Variants in MED15 observed in about 807,000 individuals in gnomAD.
The protein encoded by MED15 is mediator of RNA polymerase II transcription subunit 15.
In MED15, 41 loss-of-function variants were observed where a neutral mutation model predicts 118.7. That is an observed-to-expected ratio of 0.35 (90% CI 0.27 to 0.45). MED15 has a LOEUF of 0.45. MED15 is among the 20% of genes least tolerant of loss of function. The pLI is 1.00. For synonymous variants in MED15, 436 were observed against 413.9 expected, an observed-to-expected ratio of 1.05 and a Z score of -0.65; for missense variants, 740 against 1,025.5, an observed-to-expected ratio of 0.72 and a Z score of 3.80.
intron 2 of MED15, among the ~76,000 whole-genome samples, chr22:20,550,173 A>G (rs1001700279): frequency 4.6e-5 from 7 of 151,998 alleles, no homozygotes; most frequent in African/African-American, 1.4e-4. Flanking sequence ...CATTGCCCCC[A>G]TTCTCATACC....
At chr22:20,554,759 C>G (rs1023014227) in intron 4 of MED15, 177 bp from the exon 5 acceptor site, 3 of 603,682 alleles carry the variant, frequency 5.0e-6, no homozygotes, top group African/African-American at 3.7e-5. Context: ...ACACACCTGG[C>G]GTCCTAGCCA....
chr22:20,508,324 G>C (rs1223210639), intron 1 of MED15: 1 of 1,304,006 alleles, frequency 7.7e-7, no homozygotes, highest in Non-Finnish European at 1.0e-6. Flanking sequence ...AGGAGAGCGT[G>C]AAGAGCTGGG....
intron 1 of MED15, among the ~76,000 whole-genome samples, chr22:20,512,656 A>G (rs1168395093): frequency 1.4e-5 from 2 of 146,332 alleles, no homozygotes; most frequent in Non-Finnish European, 3.0e-5. Context: ...CAGTGTCACA[A>G]TCTCAGCTCA....
chr22:20,510,558 A>G (rs2054028587), intron 1 of MED15, among the ~76,000 whole-genome samples: 1 of 152,176 alleles, frequency 6.6e-6, no homozygotes, highest in African/African-American at 2.4e-5. Flanking sequence ...TTGCAAGCCC[A>G]TTTATGCTGT....
chr22:20,572,070 C>A (rs2056679020), intron 8 of MED15, among the ~76,000 whole-genome samples: 1 of 152,230 alleles, frequency 6.6e-6, no homozygotes, highest in Admixed American at 6.5e-5. Context: ...CCATCTTGTT[C>A]TTGGACCTTG....
chr22:20,552,648 G>A, intron 3 of MED15: 1 of 335,966 alleles, frequency 3.0e-6, no homozygotes, highest in Non-Finnish European at 6.1e-6. Flanking sequence ...TCTCCGCTGG[G>A]CACTGGGGTC....
chr22:20,509,809 G>C (rs982664923), intron 1 of MED15, among the ~76,000 whole-genome samples: 6 of 152,018 alleles, frequency 3.9e-5, no homozygotes, highest in Non-Finnish European at 8.8e-5. Context: ...CCCACTTCAG[G>C]GTTCCTGCAA....
intron 1 of MED15, among the ~76,000 whole-genome samples, chr22:20,529,318 G>C (rs541767291): frequency 1.1e-4 from 16 of 152,264 alleles, no homozygotes; most frequent in African/African-American, 3.6e-4. Context: ...TGCTACCTTG[G>C]CTCACTGCAA....
In MED15 at chr22:20,586,762, C is replaced by G; in HGVS notation, c.*58C>G. The G allele has an allele frequency of 6.3e-7, 1 of 1,597,958 alleles. No homozygotes were observed. The highest frequency in any genetic ancestry group is 8.5e-7 in the Non-Finnish European group (1 of 1,173,766). The stretch of plus-strand genomic sequence containing the variant: ...GGGGCCAAGGACACACGCCTCCTGT[C>G]AGACACTTCTAGGTGTTGGCTTCCT... On this transcript the variant is annotated 3_prime_UTR_variant, in exon 18 of 18. Coordinates refer to ENST00000263205, the MANE Select transcript of MED15 (RefSeq NM_001003891.3).
intron 9 of MED15, among the ~76,000 whole-genome samples, chr22:20,580,861 G>A (rs529115586): frequency 2.0e-4 from 31 of 152,290 alleles, no homozygotes; most frequent in African/African-American, 7.2e-4. Context: ...ATCAGTCCCC[G>A]TTTCTGACCT....
At chr22:20,574,011 T>C (rs944098149) in intron 8 of MED15, 4 of 152,250 alleles carry the variant, frequency 2.6e-5, no homozygotes, top group Non-Finnish European at 5.9e-5. Context: ...CTCCTGTGCG[T>C]GCCCAGGATT....
chr22:20,508,965 G>C (rs1035716840), intron 1 of MED15, among the ~76,000 whole-genome samples: 10 of 152,188 alleles, frequency 6.6e-5, no homozygotes, highest in Non-Finnish European at 1.5e-5. Flanking sequence ...TACTGCAGGG[G>C]TTTCTTGCGA....
rs778528739 is a variant in MED15, at chr22:20,585,811, C to G, written c.2215C>G (p.Arg739Gly). 1 of 1,612,848 alleles carries G rather than the reference C, an allele frequency of 6.2e-7. No individual in the cohort carries two copies. The highest frequency in any genetic ancestry group is 1.3e-5 in the African/African-American group (1 of 74,904). The change falls in exon 17 of 18, where the codon CGG becomes GGG. Residue 739 changes from arginine to glycine, a missense_variant. This residue lies in a region of MED15 where 179 missense variants were observed against 259.0 expected (regional missense o/e 0.69). Coordinates refer to ENST00000263205, the MANE Select transcript of MED15 (RefSeq NM_001003891.3). ...TGCCCAAAGCCCGCTGTGGATAGACCGGCAGTGGCAGTACGGTAGGTAGAC... is the reference window on the plus strand; with the variant it reads ...TGCCCAAAGCCCGCTGTGGATAGACGGGCAGTGGCAGTACGGTAGGTAGAC... ...YPAQSPLWID[R>G]QWQYDANPFL...
chr22:20,539,749 T>C (rs933414342), intron 2 of MED15, among the ~76,000 whole-genome samples: 1 of 152,150 alleles, frequency 6.6e-6, no homozygotes, highest in African/African-American at 2.4e-5. Context: ...TACTTGTTAT[T>C]GTCTATTTTA....
chr22:20,538,272 A>G (rs1166092397), intron 2 of MED15, among the ~76,000 whole-genome samples: 1 of 151,644 alleles, frequency 6.6e-6, no homozygotes, highest in Non-Finnish European at 1.5e-5. Flanking sequence ...TTTTTTTGAG[A>G]CAGGGTCTCA....
chr22:20,512,758 A>ATT (rs953182874), intron 1 of MED15, among the ~76,000 whole-genome samples: 4 of 139,004 alleles, frequency 2.9e-5, no homozygotes, highest in Non-Finnish European at 6.3e-5. Flanking sequence ...CGCCCAGCTA[A>ATT]TTTTTTTTTT....
intron 1 of MED15, among the ~76,000 whole-genome samples, chr22:20,509,183 G>A (rs1433764137): frequency 6.6e-6 from 1 of 152,094 alleles, no homozygotes; most frequent in Non-Finnish European, 1.5e-5. Context: ...ATGATGGAAT[G>A]AGGGTGAGCA....
chr22:20,518,348 G>A (rs945665399), intron 1 of MED15, among the ~76,000 whole-genome samples: 1 of 152,216 alleles, frequency 6.6e-6, no homozygotes, highest in East Asian at 1.9e-4. Flanking sequence ...TTCCCTTTCA[G>A]TTTGATACTG....
intron 6 of MED15, among the ~76,000 whole-genome samples, 195 bp from the exon 7 acceptor site, chr22:20,566,272 T>C (rs922390501): frequency 2.6e-5 from 4 of 152,098 alleles, no homozygotes; most frequent in Non-Finnish European, 5.9e-5. Flanking sequence ...ACTCCTGACC[T>C]CAGGTGATCT....
Sources: gnomAD v4.1 joint callset for allele counts (sites outside exome capture counted in the v4.1 genomes callset) on GRCh38, gnomAD v4.1.1 for gene constraint, gnomAD v4.1.1 regional missense constraint, MANE v1.5 for transcripts, NCBI Gene and HGNC (gene_info 2026-07-23, HGNC 2026-07-21) for gene names.